The following LINGO2 variants were observed in gnomAD, a reference collection of about 807,000 sequenced individuals.
LINGO2 encodes leucine-rich repeat and immunoglobulin-like domain-containing nogo receptor-interacting protein 2.
Under a neutral mutation model 30.6 loss-of-function variants are expected in LINGO2, and 14 were observed. The observed-to-expected ratio is 0.46, with a 90% CI of 0.30 to 0.72. The LOEUF (loss-of-function observed/expected upper bound fraction) is 0.72, where lower values mean the gene tolerates loss of function less well. Among genes scored for constraint, LINGO2 ranks in the 30% least tolerant of loss-of-function variants. The pLI is 0.07. For missense variants in LINGO2, 729 were observed against 751.7 expected, an observed-to-expected ratio of 0.97 and a Z score of 0.35; for synonymous variants, 317 against 288.5, an observed-to-expected ratio of 1.10 and a Z score of -1.00.
rs12343227 is a variant in LINGO2, at chr9:28,485,375, A to G, written c.-364-9350T>C. 5.5e-3 allele frequency among the ~76,000 whole-genome samples: 835 copies of G among 152,240 alleles called. 5 individuals carry two copies. Among genetic ancestry groups the G allele is most frequent in the African/African-American group, 0.019 (806 of 41,568 alleles). On this transcript the variant is annotated intron_variant, in intron 1 of 5. Transcript: ENST00000379992. ...CACAGCTGTTTCTCTTGAAGAACCT[A>G]CAGTCTAGTTATGTAGATATACCTA...
intron 2 of LINGO2, among the ~76,000 whole-genome samples, chr9:28,461,582 A>T (rs1264595236): frequency 2.6e-5 from 4 of 152,176 alleles, no homozygotes; most frequent in Non-Finnish European, 5.9e-5. Flanking sequence ...AAATATTGAG[A>T]ATTGATGTCC....
In LINGO2 at chr9:28,148,529, G is replaced by T; in HGVS notation, c.-86-136124C>A. 4 of 1,478,908 alleles carry T rather than the reference G, an allele frequency of 2.7e-6. No homozygotes were observed. The highest frequency in any genetic ancestry group is 1.2e-5 in the South Asian group (1 of 82,768). 91.6% of individuals were successfully genotyped at this position (1,478,908 alleles called of 1,614,324 possible). ...CAATAAAAGGGGCCCCTGTAGCAATGGGGAAGCAGCTTCCACCTCTAGGCC... is the reference window on the plus strand; with the variant it reads ...CAATAAAAGGGGCCCCTGTAGCAATTGGGAAGCAGCTTCCACCTCTAGGCC... On this transcript the variant is annotated intron_variant, in intron 4 of 5. Coordinates refer to ENST00000379992, the Ensembl canonical transcript of LINGO2. This position sits in a 1 kb window ranked among gnomAD's most constrained non-coding sequence, Gnocchi z 5.1.
chr9:28,777,502 G>A, the LINGO2 span, among the ~76,000 whole-genome samples: 1 of 152,174 alleles, frequency 6.6e-6, no homozygotes, highest in Non-Finnish European at 1.5e-5. Context: ...ATCAGGTATT[G>A]GGAAAAACAA....
At chr9:28,153,404 A>G (rs892802471) in intron 4 of LINGO2, among the ~76,000 whole-genome samples, 2 of 152,172 alleles carry the variant, frequency 1.3e-5, no homozygotes, top group African/African-American at 2.4e-5. Context: ...TAATTCTAAT[A>G]TATACAGACC....
At chr9:28,189,684 G>GAA in intron 4 of LINGO2, among the ~76,000 whole-genome samples, 1 of 90,800 alleles carries the variant, frequency 1.1e-5, no homozygotes, top group African/African-American at 3.9e-5. Flanking sequence ...AGGAAGGAAG[G>GAA]GAGGAAGGAA....
chr9:27,958,634 T>C (rs572414521), intron 5 of LINGO2, among the ~76,000 whole-genome samples: 8 of 152,250 alleles, frequency 5.3e-5, no homozygotes, highest in African/African-American at 1.9e-4. Flanking sequence ...TAAAATCTTG[T>C]ATTGTGGATA....
chr9:28,267,068 A>G (rs995171000), intron 4 of LINGO2, among the ~76,000 whole-genome samples: 5 of 152,042 alleles, frequency 3.3e-5, no homozygotes, highest in Non-Finnish European at 7.4e-5. Context: ...AGACAGTGCA[A>G]TAATGCCCTG....
At position 28,244,847 on chromosome 9, in the gene LINGO2, T is replaced by G. The variant is rs556356660; in HGVS notation, c.-87+50361A>C. On this transcript the variant is annotated intron_variant, in intron 4 of 5. Transcript: ENST00000379992. Reference sequence around the variant, plus strand: ...AAAAAAAAAAAAGCCCAGGACCACATGGATTCACAGCCAAATTCTACCAGA... The same window carrying G: ...AAAAAAAAAAAAGCCCAGGACCACAGGGATTCACAGCCAAATTCTACCAGA... Among the ~76,000 whole-genome samples, 3 of 149,210 alleles carry G rather than the reference T, an allele frequency of 2.0e-5. No homozygotes were observed. The South Asian group carries it at 6.3e-4, about 31-fold the overall frequency.
At chr9:28,772,484 C>T in the LINGO2 span, among the ~76,000 whole-genome samples, 10,672 of 152,142 alleles carry the variant, frequency 0.07, 1,247 homozygotes, top group African/African-American at 0.24. Context: ...TGAGCACACA[C>T]GAATAACCAG....
the LINGO2 span, among the ~76,000 whole-genome samples, chr9:28,797,202 T>A: frequency 6.6e-6 from 1 of 151,256 alleles, no homozygotes; most frequent in East Asian, 1.9e-4. Flanking sequence ...TAAATATGAA[T>A]TTTCCAGGAA....
chr9:28,862,666 T>A, the LINGO2 span, among the ~76,000 whole-genome samples: 2 of 152,142 alleles, frequency 1.3e-5, no homozygotes, highest in Admixed American at 6.6e-5. Context: ...CCTGTACCAC[T>A]GTCACTTAGG....
intron 2 of LINGO2, among the ~76,000 whole-genome samples, chr9:28,456,476 T>C (rs985910977): frequency 6.6e-6 from 1 of 152,170 alleles, no homozygotes; most frequent in Non-Finnish European, 1.5e-5. Flanking sequence ...AAATATAAAA[T>C]GTGGAAAGAG....
chr9:29,096,994 A>C, the LINGO2 span, among the ~76,000 whole-genome samples: 18 of 139,608 alleles, frequency 1.3e-4, 2 homozygotes, highest in African/African-American at 4.8e-4. Context: ...AAACCTTATG[A>C]AATTTTTATA....
chr9:28,272,814 C>A (rs758935851), intron 4 of LINGO2, among the ~76,000 whole-genome samples: 8 of 152,040 alleles, frequency 5.3e-5, no homozygotes, highest in Admixed American at 5.2e-4. Flanking sequence ...TACCTCACCA[C>A]CAGCAAGTTT....
the LINGO2 span, among the ~76,000 whole-genome samples, chr9:28,956,946 G>C: frequency 6.6e-6 from 1 of 151,320 alleles, no homozygotes; most frequent in African/African-American, 2.4e-5. Context: ...ATTACCCTGG[G>C]AAACAATTTA....
intron 1 of LINGO2, among the ~76,000 whole-genome samples, chr9:28,514,748 G>A (rs905044971): frequency 7.2e-5 from 11 of 152,200 alleles, no homozygotes; most frequent in Admixed American, 7.2e-4. Context: ...TTATCCAGAA[G>A]ATCTGGCTAA....
At chr9:28,554,484 C>G (rs1194883366) in intron 1 of LINGO2, among the ~76,000 whole-genome samples, 2 of 147,444 alleles carry the variant, frequency 1.4e-5, no homozygotes, top group Non-Finnish European at 3.0e-5. Context: ...TACAGGAGCA[C>G]CCAGACTCAT....
At chr9:28,139,080 C>T (rs1194022008) in intron 4 of LINGO2, among the ~76,000 whole-genome samples, 1 of 152,152 alleles carries the variant, frequency 6.6e-6, no homozygotes, top group African/African-American at 2.4e-5. Context: ...AGTTAAGTAT[C>T]AAAAAACTTA....
At chr9:28,006,199 C>T (rs1047497128) in intron 5 of LINGO2, among the ~76,000 whole-genome samples, 1 of 151,990 alleles carries the variant, frequency 6.6e-6, no homozygotes, top group African/African-American at 2.4e-5. Flanking sequence ...TTCTTGCAAA[C>T]ATTTATCAGT....
Sources: gnomAD v4.1 joint callset for allele counts (sites outside exome capture counted in the v4.1 genomes callset) on GRCh38, gnomAD v4.1.1 for gene constraint, Gnocchi (gnomAD v3.1) non-coding constraint, MANE v1.5 for transcripts, NCBI Gene and HGNC (gene_info 2026-07-23, HGNC 2026-07-21) for gene names.